The following ANXA8 variants were observed in gnomAD, a reference collection of about 807,000 sequenced individuals.
The protein encoded by ANXA8 is VAC-beta.
In ANXA8, 9 loss-of-function variants were observed where a neutral mutation model predicts 26.8. That is an observed-to-expected ratio of 0.34 (90% CI 0.20 to 0.59). The LOEUF is 0.59. ANXA8 is among the 20% of genes least tolerant of loss of function. The pLI is 0.84. For synonymous variants in ANXA8, 39 were observed against 94.8 expected (o/e 0.41, Z 3.42); for missense variants, 83 against 238.5 (o/e 0.35, Z 4.29).
chr10:47,489,089 C>T (rs1358719612), upstream of ANXA8, among the ~76,000 whole-genome samples: 2 of 150,358 alleles, frequency 1.3e-5, no homozygotes, highest in African/African-American at 4.9e-5. Context: ...ATGATCTAGG[C>T]TCACTGCAAG....
the ANXA8 span, among the ~76,000 whole-genome samples, chr10:47,520,889 T>C: frequency 1.6e-5 from 2 of 127,376 alleles, no homozygotes; most frequent in African/African-American, 6.8e-5. Flanking sequence ...TGGCTTTGAG[T>C]TGTGTAAAAT....
At chr10:47,578,021 A>T in the ANXA8 span, among the ~76,000 whole-genome samples, 6 of 24,850 alleles carry the variant, frequency 2.4e-4, 2 homozygotes, top group African/African-American at 7.3e-4. Flanking sequence ...AAAAAAAAAG[A>T]AAAAGAATGC....
chr10:47,913,980 G>C, the ANXA8 span, among the ~76,000 whole-genome samples: 1 of 11,804 alleles, frequency 8.5e-5, no homozygotes, highest in Non-Finnish European at 1.5e-4. Flanking sequence ...AAATTTTGCA[G>C]TACCTGTCTA....
At chr10:47,930,686 C>G in the ANXA8 span, among the ~76,000 whole-genome samples, 1 of 152,306 alleles carries the variant, frequency 6.6e-6, no homozygotes, top group African/African-American at 2.4e-5. Flanking sequence ...GTTTTATTTA[C>G]TGTCCAGCTC....
the ANXA8 span, among the ~76,000 whole-genome samples, chr10:47,707,336 G>A: frequency 7.0e-6 from 1 of 142,672 alleles, no homozygotes; most frequent in South Asian, 2.2e-4. Context: ...TGAAGCCCTC[G>A]AGCAATTGCA....
chr10:47,492,120 A>G, the ANXA8 span, among the ~76,000 whole-genome samples: 2 of 150,862 alleles, frequency 1.3e-5, no homozygotes, highest in Non-Finnish European at 2.9e-5. Flanking sequence ...TGGGGGTTCT[A>G]TGGGCCTGGA....
chr10:47,598,262 CAA>C, the ANXA8 span, among the ~76,000 whole-genome samples: 2 of 136,280 alleles, frequency 1.5e-5, no homozygotes, highest in Non-Finnish European at 3.2e-5. Flanking sequence ...AAAATTAACT[CAA>C]GATTGATTAA....
chr10:47,688,479 T>C, the ANXA8 span, among the ~76,000 whole-genome samples: 1 of 151,338 alleles, frequency 6.6e-6, no homozygotes, highest in Non-Finnish European at 1.5e-5. Context: ...TGGAGTGCAG[T>C]GGTGAGATCT....
At chr10:47,756,414 G>A in the ANXA8 span, among the ~76,000 whole-genome samples, 1 of 129,006 alleles carries the variant, frequency 7.8e-6, no homozygotes, top group Non-Finnish European at 1.6e-5. Context: ...GCCCAGGCGG[G>A]GCTCCGCTCC....
At chr10:47,651,530 T>A in the ANXA8 span, among the ~76,000 whole-genome samples, 1 of 150,524 alleles carries the variant, frequency 6.6e-6, no homozygotes, top group Non-Finnish European at 1.5e-5. Flanking sequence ...TGAGTGTTAA[T>A]AGCAACAATA....
rs1588933169 is a variant in ANXA8, at chr10:47,483,266, G to A, written c.21+647C>T. On this transcript the variant is annotated intron_variant, in intron 1 of 11. Transcript: ENST00000585281. ...CAAATGAACATCATTGATCCCTGAG[G>A]TGAAGGCATTGATGGGTCCCCAACA... Among the ~76,000 whole-genome samples, 4 of 144,910 alleles carry A rather than the reference G, an allele frequency of 2.8e-5. No homozygotes were observed. In the East Asian group the frequency reaches 6.6e-4, roughly 24 times the overall value.
At chr10:47,733,175 TTCTTTCTTTC>T in the ANXA8 span, among the ~76,000 whole-genome samples, 2 of 93,270 alleles carry the variant, frequency 2.1e-5, no homozygotes, top group African/African-American at 6.3e-5. Context: ...CTTTCTTTCT[TTCTTTCTTTC>T]TTTCTTTCTT....
At chr10:47,682,153 C>A in the ANXA8 span, among the ~76,000 whole-genome samples, 6 of 140,834 alleles carry the variant, frequency 4.3e-5, no homozygotes, top group East Asian at 1.3e-3. Flanking sequence ...AGACAAAATT[C>A]AACCTTATTT....
At chr10:47,600,187 C>G in the ANXA8 span, among the ~76,000 whole-genome samples, 1 of 149,230 alleles carries the variant, frequency 6.7e-6, no homozygotes, top group Non-Finnish European at 1.5e-5. Flanking sequence ...CATTCACGTA[C>G]AATGTGGGAA....
chr10:47,733,922 A>G, the ANXA8 span, among the ~76,000 whole-genome samples: 2 of 152,310 alleles, frequency 1.3e-5, no homozygotes, highest in Non-Finnish European at 2.9e-5. Context: ...TTTCAAAACC[A>G]TCATCAGCTT....
chr10:47,594,204 A>T, the ANXA8 span, among the ~76,000 whole-genome samples: 7 of 150,842 alleles, frequency 4.6e-5, no homozygotes, highest in East Asian at 1.4e-3. Context: ...ATCCTTAATA[A>T]ACTCCCCTTC....
At chr10:47,567,009 C>T in the ANXA8 span, among the ~76,000 whole-genome samples, 1 of 147,932 alleles carries the variant, frequency 6.8e-6, no homozygotes, top group Non-Finnish European at 1.5e-5. Flanking sequence ...GGCTTAGGGT[C>T]CTGTTCCAGG....
At chr10:47,608,019 A>C in the ANXA8 span, among the ~76,000 whole-genome samples, 1 of 147,882 alleles carries the variant, frequency 6.8e-6, no homozygotes, top group Non-Finnish European at 1.5e-5. Context: ...ACAATTGGTA[A>C]TCTTCCAAGT....
At chr10:47,493,679 C>G in the ANXA8 span, among the ~76,000 whole-genome samples, 1 of 151,028 alleles carries the variant, frequency 6.6e-6, no homozygotes, top group Admixed American at 6.6e-5. Context: ...GGACCCTGGC[C>G]CACTGCCCAG....
Sources: allele counts gnomAD v4.1 joint callset (sites outside exome capture counted in the v4.1 genomes callset), GRCh38; gene constraint gnomAD v4.1.1; transcripts MANE v1.5; gene names NCBI Gene and HGNC (gene_info 2026-07-23, HGNC 2026-07-21).